Variants in SLC37A3 observed in about 807,000 individuals in gnomAD.
SLC37A3 encodes solute carrier family 37 member 3.
SLC37A3 carries 51 observed loss-of-function variants against 67.1 expected under a neutral mutation model. The observed-to-expected ratio is 0.76, with a 90% confidence interval of 0.61 to 0.96. The LOEUF (loss-of-function observed/expected upper bound fraction) is 0.96, where lower values mean the gene tolerates loss of function less well. SLC37A3 is among the 40% of genes least tolerant of loss of function. SLC37A3 has a pLI of 0.00. For synonymous variants in SLC37A3, 214 were observed against 231.4 expected (o/e 0.92, Z 0.68); for missense variants, 508 against 603.0 (o/e 0.84, Z 1.65).
chr7:140,382,712 G>T (rs73474973), intron 1 of SLC37A3, 116 bp from the exon 2 acceptor site: 6,424 of 477,918 alleles, frequency 0.013, 350 homozygotes, highest in African/African-American at 0.11. Flanking sequence ...AAAATCTTAT[G>T]GCCTAGTTGA....
At chr7:140,382,137 T>G (rs982926072) in intron 2 of SLC37A3, among the ~76,000 whole-genome samples, 1 of 151,960 alleles carries the variant, frequency 6.6e-6, no homozygotes, top group Non-Finnish European at 1.5e-5. Flanking sequence ...CGTTCTTTGT[T>G]GTGGAGAGCT....
intron 5 of SLC37A3, among the ~76,000 whole-genome samples, chr7:140,359,378 T>C (rs1164600919): frequency 7.3e-5 from 11 of 150,564 alleles, no homozygotes; most frequent in Admixed American, 6.6e-4. Flanking sequence ...TCATTTTACA[T>C]GTATTTCCAT....
At chr7:140,386,202 G>A (rs377264527) in intron 1 of SLC37A3, among the ~76,000 whole-genome samples, 2 of 151,718 alleles carry the variant, frequency 1.3e-5, no homozygotes, top group African/African-American at 4.8e-5. Flanking sequence ...CAATTCTTTG[G>A]GAATACAGGC....
intron 10 of SLC37A3, 60 bp from the exon 11 acceptor site, chr7:140,346,030 G>A (rs1340977960): frequency 1.6e-5 from 20 of 1,256,120 alleles, no homozygotes; most frequent in Admixed American, 6.8e-5. Flanking sequence ...CACCTGAGGC[G>A]TGCTCCCCAT....
intron 3 of SLC37A3, among the ~76,000 whole-genome samples, chr7:140,375,024 T>C (rs1274049091): frequency 2.1e-5 from 3 of 145,760 alleles, no homozygotes; most frequent in East Asian, 4.1e-4. Flanking sequence ...CACGCACCTA[T>C]GGTCCCAGCT....
At chr7:140,393,333 C>CA (rs1436857600) in intron 1 of SLC37A3, among the ~76,000 whole-genome samples, 1 of 152,218 alleles carries the variant, frequency 6.6e-6, no homozygotes. Flanking sequence ...GAGCTGAACA[C>CA]GTGCGCCGTC....
chr7:140,349,618 A>G (rs1208979813), intron 9 of SLC37A3, among the ~76,000 whole-genome samples: 2 of 152,174 alleles, frequency 1.3e-5, no homozygotes, highest in Admixed American at 6.5e-5. Flanking sequence ...GTTATTCCCT[A>G]GGTATCACTT....
Position 140,352,072 on chromosome 7 carries a change from T to G in SLC37A3, c.693A>C (p.Pro231=), listed in dbSNP as rs1796829436. The G allele has an allele frequency of 6.2e-7, 1 of 1,611,728 alleles. No homozygotes were observed. The highest frequency in any genetic ancestry group is 1.3e-5 in the African/African-American group (1 of 74,912). The change falls in exon 8 of 15, where the codon CCA becomes CCC. Residue 231 remains proline, a synonymous_variant. Coordinates refer to ENST00000326232, the MANE Select transcript of SLC37A3 (RefSeq NM_207113.3). The stretch of plus-strand genomic sequence containing the variant: ...GCGGCTTCTCCTCACCAATTTCTTC[T>G]GGTGACACCAGGAGTCCAAAGAAGA... The part of the protein sequence containing the change: ...IVIFFGLLVS[P]EEIGLSGIEA...
intron 4 of SLC37A3, among the ~76,000 whole-genome samples, chr7:140,364,902 A>G (rs1797539188): frequency 6.6e-6 from 1 of 152,178 alleles, no homozygotes; most frequent in Admixed American, 6.5e-5. Context: ...ATTAATTCCT[A>G]CCCATCAGTG....
At chr7:140,370,074 C>T (rs925248104) in intron 3 of SLC37A3, among the ~76,000 whole-genome samples, 2 of 151,896 alleles carry the variant, frequency 1.3e-5, no homozygotes, top group Non-Finnish European at 2.9e-5. Flanking sequence ...TGCACCATTG[C>T]ACTCCAGCCT....
chr7:140,362,803 C>T (rs1176538097), intron 5 of SLC37A3, among the ~76,000 whole-genome samples: 2 of 88,686 alleles, frequency 2.3e-5, no homozygotes, highest in South Asian at 4.8e-4. Context: ...CCTGGCCAGC[C>T]GCCCCGTCCC....
chr7:140,383,664 A>C (rs1345293797), intron 1 of SLC37A3, among the ~76,000 whole-genome samples: 1 of 151,836 alleles, frequency 6.6e-6, no homozygotes, highest in African/African-American at 2.4e-5. Flanking sequence ...ATCTCCTTCC[A>C]CTACTTCCAG....
At chr7:140,378,270 T>G (rs1045855850) in intron 3 of SLC37A3, among the ~76,000 whole-genome samples, 1 of 152,188 alleles carries the variant, frequency 6.6e-6, no homozygotes, top group Non-Finnish European at 1.5e-5. Context: ...GGGAGGAATT[T>G]TCTTCAAAAG....
chr7:140,386,897 T>C (rs1798474511), intron 1 of SLC37A3: 1 of 152,162 alleles, frequency 6.6e-6, no homozygotes, highest in African/African-American at 2.4e-5. Flanking sequence ...TATGCAGGTA[T>C]GGTTGTAGAC....
intron 3 of SLC37A3, among the ~76,000 whole-genome samples, chr7:140,376,440 G>A (rs537081006): frequency 1.7e-4 from 26 of 152,178 alleles, no homozygotes; most frequent in African/African-American, 5.3e-4. Flanking sequence ...CTGAGCGTAC[G>A]TTTGATGTGA....
intron 1 of SLC37A3, among the ~76,000 whole-genome samples, chr7:140,392,025 C>T (rs1798743572): frequency 6.6e-6 from 1 of 152,214 alleles, no homozygotes; most frequent in South Asian, 2.1e-4. Flanking sequence ...TCACTGCCTA[C>T]ACCACCAGCC....
intron 9 of SLC37A3, among the ~76,000 whole-genome samples, chr7:140,350,533 A>G (rs1431075530): frequency 6.6e-6 from 1 of 151,956 alleles, no homozygotes; most frequent in Non-Finnish European, 1.5e-5. Flanking sequence ...GGGAGGCCAA[A>G]GTGGGCAGAC....
At chr7:140,346,049 T>C in intron 10 of SLC37A3, 79 bp from the exon 11 acceptor site, 1 of 992,110 alleles carries the variant, frequency 1.0e-6, no homozygotes, top group African/African-American at 1.6e-5. Context: ...ATTTGCCCTC[T>C]AGTCTCACTA....
chr7:140,363,893 T>A lies in SLC37A3; in HGVS notation c.375+515A>T, dbSNP rs188765960. Among the ~76,000 whole-genome samples the A allele has an allele frequency of 6.6e-4, 101 of 152,138 alleles. 1 individual carries two copies. The highest frequency in any genetic ancestry group is 2.3e-3 in the African/African-American group (95 of 41,530). ...GGTGTAGTGAATGCCAGGCCATTTATTCAGACTATTAATTAACTCTGCTGG... is the reference window on the plus strand; with the variant it reads ...GGTGTAGTGAATGCCAGGCCATTTAATCAGACTATTAATTAACTCTGCTGG... On this transcript the variant is annotated intron_variant, in intron 5 of 14. Transcript: ENST00000326232.
Sources: gnomAD v4.1 joint callset for allele counts (sites outside exome capture counted in the v4.1 genomes callset) on GRCh38, gnomAD v4.1.1 for gene constraint, MANE v1.5 for transcripts, NCBI Gene and HGNC (gene_info 2026-07-23, HGNC 2026-07-21) for gene names.